The following LPP variants were observed in gnomAD, a reference collection of about 807,000 sequenced individuals.
LPP encodes lipoma-preferred partner.
Under a neutral mutation model 60.4 loss-of-function variants are expected in LPP, and 38 were observed. The observed-to-expected ratio is 0.63, with a 90% CI of 0.49 to 0.83. The LOEUF (loss-of-function observed/expected upper bound fraction) is 0.83, where lower values mean the gene tolerates loss of function less well. Among genes scored for constraint, LPP ranks in the 40% least tolerant of loss-of-function variants. LPP has a pLI of 0.00. For synonymous variants in LPP, 328 were observed against 290.8 expected (o/e 1.13, Z -1.30); for missense variants, 902 against 783.6 (o/e 1.15, Z -1.80).
At chr3:188,328,650 A>AT (rs1759122146) in intron 2 of LPP, among the ~76,000 whole-genome samples, 1 of 152,196 alleles carries the variant, frequency 6.6e-6, no homozygotes, top group Non-Finnish European at 1.5e-5. Context: ...GAAAAAAGCG[A>AT]TTGGTTAGCA....
Position 188,800,339 on chromosome 3 carries a change from A to G in LPP, c.1410+40057A>G, listed in dbSNP as rs373750334. Among the ~76,000 whole-genome samples, 6 of 138,526 alleles carry G rather than the reference A, an allele frequency of 4.3e-5. No homozygotes were observed. In the East Asian group the frequency reaches 8.8e-4, roughly 20 times the overall value. The allele number at this position is 138,526 out of a possible 152,430, so 90.9% of individuals were successfully genotyped here. A position where few individuals can be genotyped will look rare whatever the true frequency, so the allele number is the denominator to read the frequency against. ...CAGCTCACTGCAAGCTCCACCTCCC[A>G]GGTTCACGCCATTCTCCTGCCTCAG... On this transcript the variant is annotated intron_variant, in intron 9 of 11. Transcript: ENST00000617246.
intron 4 of LPP, among the ~76,000 whole-genome samples, chr3:188,439,789 A>T (rs1490736812): frequency 6.6e-6 from 1 of 152,200 alleles, no homozygotes; most frequent in Non-Finnish European, 1.5e-5. Flanking sequence ...CTTCTATCCT[A>T]GTTATTGTTC....
chr3:188,411,653 A>G (rs78932505), intron 4 of LPP, among the ~76,000 whole-genome samples: 4,135 of 152,202 alleles, frequency 0.027, 185 homozygotes, highest in African/African-American at 0.096. Context: ...TGTTTGTCCT[A>G]TAATCTGGGT....
At chr3:188,616,977 A>G (rs1844964699) in intron 7 of LPP, among the ~76,000 whole-genome samples, 1 of 152,160 alleles carries the variant, frequency 6.6e-6, no homozygotes, top group African/African-American at 2.4e-5. Context: ...AGCTTCTTTA[A>G]TAAGACTTCT....
intron 2 of LPP, among the ~76,000 whole-genome samples, chr3:188,327,798 A>G (rs1477590326): frequency 6.6e-6 from 1 of 152,178 alleles, no homozygotes; most frequent in Non-Finnish European, 1.5e-5. Flanking sequence ...GAGAGAGGGA[A>G]CATAAGTCCT....
intron 5 of LPP, among the ~76,000 whole-genome samples, chr3:188,520,060 C>G (rs1345541040): frequency 6.6e-6 from 1 of 152,154 alleles, no homozygotes; most frequent in Admixed American, 6.5e-5. Context: ...TATGTACTTA[C>G]AGTGGGGGAG....
chr3:188,868,182 G>T (rs1767147056), intron 10 of LPP, among the ~76,000 whole-genome samples: 1 of 152,146 alleles, frequency 6.6e-6, no homozygotes, highest in Non-Finnish European at 1.5e-5. Context: ...TTCTGTTACT[G>T]TTTCTCTCCT....
At chr3:188,259,678 A>G (rs1409550598) in intron 2 of LPP, among the ~76,000 whole-genome samples, 1 of 152,178 alleles carries the variant, frequency 6.6e-6, no homozygotes, top group Non-Finnish European at 1.5e-5. Context: ...CATTTCCTAA[A>G]TTATTTTTCC....
chr3:188,771,549 C>CAAAAAAA (rs66712771), intron 9 of LPP, among the ~76,000 whole-genome samples: 19 of 108,912 alleles, frequency 1.7e-4, no homozygotes, highest in East Asian at 5.9e-4. Flanking sequence ...GACTCCATCT[C>CAAAAAAA]AAAAAAAAAA....
chr3:188,735,416 T>C (rs1722146284), intron 8 of LPP, among the ~76,000 whole-genome samples: 1 of 152,078 alleles, frequency 6.6e-6, no homozygotes, highest in South Asian at 2.1e-4. Context: ...AGTCTTGCTC[T>C]CATCCCCCAG....
At chr3:188,753,939 A>T in intron 8 of LPP, among the ~76,000 whole-genome samples, 1 of 152,296 alleles carries the variant, frequency 6.6e-6, no homozygotes, top group South Asian at 2.1e-4. Context: ...TGTGTCCTAC[A>T]GTCCAGCTTT....
chr3:188,400,512 T>G (rs1408676174), intron 3 of LPP, among the ~76,000 whole-genome samples: 4 of 152,198 alleles, frequency 2.6e-5, no homozygotes, highest in African/African-American at 9.7e-5. Flanking sequence ...TCTCTAGTCT[T>G]CTTAGGACCG....
chr3:188,807,118 TG>T, intron 9 of LPP, among the ~76,000 whole-genome samples: 1 of 121,526 alleles, frequency 8.2e-6, no homozygotes, highest in African/African-American at 3.6e-5. Flanking sequence ...AGTAGAGAAT[TG>T]GTTGGCCTTT....
intron 2 of LPP, among the ~76,000 whole-genome samples, chr3:188,324,859 T>C (rs1757959510): frequency 6.6e-6 from 1 of 152,188 alleles, no homozygotes; most frequent in African/African-American, 2.4e-5. Context: ...CACTTCACAC[T>C]GAGTTTATCT....
intron 6 of LPP, among the ~76,000 whole-genome samples, chr3:188,557,113 T>C (rs1220658284): frequency 6.6e-6 from 1 of 152,030 alleles, no homozygotes. Context: ...TTCTGGGACC[T>C]AGAACTTAAA....
chr3:188,406,068 C>T (rs773048184), intron 3 of LPP, 44 bp from the exon 4 acceptor site: 61 of 1,516,826 alleles, frequency 4.0e-5, no homozygotes, highest in Admixed American at 1.8e-5. Flanking sequence ...GTATTGTCTT[C>T]GTTTTCATGC....
At chr3:188,849,806 G>A (rs549907710) in intron 9 of LPP, among the ~76,000 whole-genome samples, 117 of 152,288 alleles carry the variant, frequency 7.7e-4, no homozygotes, top group African/African-American at 2.8e-3. Context: ...TATTGAATAG[G>A]TAGATATCTA....
intron 6 of LPP, among the ~76,000 whole-genome samples, chr3:188,590,991 G>A (rs1362387693): frequency 6.6e-6 from 1 of 152,188 alleles, no homozygotes; most frequent in Admixed American, 6.5e-5. Context: ...ATACAGTGGA[G>A]CTTGAGGATT....
At chr3:188,748,774 A>G (rs1262023266) in intron 8 of LPP, among the ~76,000 whole-genome samples, 1 of 152,118 alleles carries the variant, frequency 6.6e-6, no homozygotes, top group Non-Finnish European at 1.5e-5. Context: ...CAAGAGCAAA[A>G]CTCTGTCTCA....
Sources: gnomAD v4.1 joint callset for allele counts (sites outside exome capture counted in the v4.1 genomes callset) on GRCh38, gnomAD v4.1.1 for gene constraint, MANE v1.5 for transcripts, NCBI Gene and HGNC (gene_info 2026-07-23, HGNC 2026-07-21) for gene names.